The following KDM5C variants were observed in gnomAD, a reference collection of about 807,000 sequenced individuals.
The protein encoded by KDM5C is lysine demethylase 5C.
In KDM5C, 16 loss-of-function variants were observed where a neutral mutation model predicts 110.6. That is an observed-to-expected ratio of 0.14 (90% CI 0.10 to 0.22). The LOEUF (loss-of-function observed/expected upper bound fraction) is 0.22, where lower values mean the gene tolerates loss of function less well. KDM5C is among the 10% of genes least tolerant of loss of function. KDM5C has a pLI of 1.00. For missense variants in KDM5C, 681 were observed against 1,300.9 expected, an observed-to-expected ratio of 0.52 and a Z score of 7.33; for synonymous variants, 511 against 520.4, an observed-to-expected ratio of 0.98 and a Z score of 0.24.
intron 12 of KDM5C, among the ~76,000 whole-genome samples, chrX:53,205,304 G>A (rs782270455): frequency 1.8e-5 from 2 of 112,015 alleles, no homozygotes; most frequent in South Asian, 7.4e-4. Context: ...TTAATTTGGG[G>A]AGAATTAACA....
At chrX:53,213,283 C>G (rs782262439) in intron 8 of KDM5C, among the ~76,000 whole-genome samples, 1 of 111,816 alleles carries the variant, frequency 8.9e-6, no homozygotes, top group South Asian at 3.7e-4. Context: ...CTGTTGGTAT[C>G]CAAACTCCTC....
intron 12 of KDM5C, among the ~76,000 whole-genome samples, chrX:53,204,201 T>G (rs2073243101): frequency 9.2e-6 from 1 of 108,770 alleles, no homozygotes. Context: ...ACTCCAGGTC[T>G]TTCCTTGCAG....
downstream of KDM5C, chrX:53,191,902 G>A (rs944145439): frequency 1.1e-5 from 2 of 174,775 alleles, no homozygotes. Flanking sequence ...ATCAACTGGG[G>A]GAGGTTGTAG....
chrX:53,216,024 G>T, intron 6 of KDM5C, 48 bp from the exon 7 acceptor site: 1 of 1,211,679 alleles, frequency 8.3e-7, no homozygotes, highest in South Asian at 1.8e-5. Flanking sequence ...GACACTTAGG[G>T]CCCTGACTTT....
At chrX:53,207,232 G>C (rs1247249582) in intron 12 of KDM5C, among the ~76,000 whole-genome samples, 5 of 79,813 alleles carry the variant, frequency 6.3e-5, no homozygotes, top group Non-Finnish European at 1.1e-4. Context: ...AAGGCAAAAA[G>C]AAACAGGTAA....
chrX:53,195,028 T>C lies in KDM5C; in HGVS notation c.3341A>G (p.Lys1114Arg), dbSNP rs139475756. The change falls in exon 22 of 26, where the codon AAG (lysine) becomes AGG (arginine). Residue 1114 changes from lysine to arginine, a missense_variant. Physicochemically the swap from Lys to Arg is conservative, Grantham distance 26. This residue lies in a region of KDM5C where 66 missense variants were observed against 162.9 expected (regional missense o/e 0.41). Coordinates refer to ENST00000375401, the MANE Select transcript of KDM5C (RefSeq NM_004187.5). ...CTCCTTCTCCATCCACCGGCTGCGC[T>C]TGGTGCTGTCTGAGCCGGCATCTGC... ...PCADAGSDSTKRSRWMEKELG... is the reference protein window; with the variant it reads ...PCADAGSDSTRRSRWMEKELG... 3 of 1,207,575 alleles carry C rather than the reference T, an allele frequency of 2.5e-6. No homozygotes were observed. The highest frequency in any genetic ancestry group is 3.5e-5 in the African/African-American group (2 of 57,101).
chrX:53,206,635 G>A (rs782179465), intron 12 of KDM5C, among the ~76,000 whole-genome samples: 48 of 109,823 alleles, frequency 4.4e-4, no homozygotes, highest in Non-Finnish European at 7.4e-4. Context: ...AGACCGAGGC[G>A]GGCAGATCAC....
At chrX:53,223,069 C>G (rs1465387817) in intron 1 of KDM5C, among the ~76,000 whole-genome samples, 1 of 112,085 alleles carries the variant, frequency 8.9e-6, no homozygotes, top group Non-Finnish European at 1.9e-5. Flanking sequence ...AAAAGGACGG[C>G]CTCCTGCTGG....
At position 53,225,109 on chromosome X, in the gene KDM5C, A is replaced by G. The variant is rs1475685604; in HGVS notation, c.-220T>C. On this transcript the variant is annotated 5_prime_UTR_variant, in exon 1 of 26. Coordinates refer to ENST00000375401, the MANE Select transcript of KDM5C (RefSeq NM_004187.5). ...CTCTTCGTCCCGCTCCGTTTCTTCC[A>G]AACTGTGTGGTTGCCTCCCCACTAC... The G allele has an allele frequency of 2.5e-6, 1 of 407,406 alleles. No individual in the cohort carries two copies. The highest frequency in any genetic ancestry group is 2.5e-5 in the African/African-American group (1 of 39,665). 33.6% of individuals were successfully genotyped at this position (407,406 alleles called of 1,213,427 possible).
At chrX:53,215,181 C>T (rs782439171) in intron 7 of KDM5C, 3 of 395,648 alleles carry the variant, frequency 7.6e-6, no homozygotes, top group African/African-American at 7.4e-5. Flanking sequence ...CAATAGCGGT[C>T]CATAAAGGGC....
rs2073767343 is a variant in KDM5C at position 53,217,127 on chromosome X, G to T, written c.657+16C>A. On this transcript the variant is annotated intron_variant, in intron 5 of 25. Transcript: ENST00000375401. ...TCCACCTCAAAGCTCTAAGTTCGAA[G>T]AAGGGGAGTACTCACATCAGGCTGC... The T allele has an allele frequency of 8.3e-7, 1 of 1,202,939 alleles. No homozygotes were observed. The highest frequency in any genetic ancestry group is 1.1e-6 in the Non-Finnish European group (1 of 890,805).
At chrX:53,219,288 G>A (rs975061250) in intron 2 of KDM5C, among the ~76,000 whole-genome samples, 56 of 112,637 alleles carry the variant, frequency 5.0e-4, no homozygotes, top group African/African-American at 1.7e-3. Flanking sequence ...CTAAGCTCTA[G>A]GCATGTTTCA....
downstream of KDM5C, among the ~76,000 whole-genome samples, chrX:53,187,989 G>A (rs1376477729): frequency 1.8e-5 from 2 of 110,176 alleles, no homozygotes; most frequent in Admixed American, 9.7e-5. Context: ...TGATTCGCCC[G>A]CCTCGGCCTC....
intron 12 of KDM5C, chrX:53,202,219 TTAG>T: frequency 2.8e-6 from 1 of 353,339 alleles, no homozygotes; most frequent in Non-Finnish European, 4.9e-6. Context: ...TCCAACTTCC[TTAG>T]TAATTTTTGC....
chrX:53,195,436 C>T (rs782126524), intron 20 of KDM5C, 26 bp from the exon 21 acceptor site: 9 of 1,169,893 alleles, frequency 7.7e-6, no homozygotes, highest in South Asian at 7.4e-5. Flanking sequence ...AGAGACAGCT[C>T]AGTTCAACTT....
intron 12 of KDM5C, 78 bp downstream of exon 12, chrX:53,210,336 A>AACCACCGCCACC (rs2073523161): frequency 1.7e-6 from 2 of 1,153,071 alleles, no homozygotes; most frequent in South Asian, 1.8e-5. Context: ...TACAGATGAC[A>AACCACCGCCACC]ACCACCGCCA....
downstream of KDM5C, among the ~76,000 whole-genome samples, chrX:53,187,763 TTC>T (rs1260698490): frequency 7.4e-5 from 2 of 27,149 alleles, no homozygotes; most frequent in Non-Finnish European, 6.6e-4. Flanking sequence ...AAAAATAATT[TTC>T]TTTTTTTTTT....
chrX:53,218,003 C>A, intron 3 of KDM5C, 37 bp from the exon 4 acceptor site: 1 of 1,189,417 alleles, frequency 8.4e-7, no homozygotes. Context: ...GGATGTGCCA[C>A]GTGTATTTAT....
At chrX:53,211,008 C>T in intron 10 of KDM5C, 151 bp from the exon 11 acceptor site, 1 of 527,111 alleles carries the variant, frequency 1.9e-6, no homozygotes, top group Non-Finnish European at 3.3e-6. Flanking sequence ...CTCCCTACCT[C>T]TCCACCAAAA....
Sources: allele counts gnomAD v4.1 joint callset (sites outside exome capture counted in the v4.1 genomes callset), GRCh38; gene constraint gnomAD v4.1.1; regional missense constraint gnomAD v4.1.1; transcripts MANE v1.5; gene names NCBI Gene and HGNC (gene_info 2026-07-23, HGNC 2026-07-21).